BTG4: variants seen among roughly 807,000 people sequenced by gnomAD.
The protein encoded by BTG4 is BTG anti-proliferation factor 4, also known as protein BTG4.
A neutral mutation model predicts 19.3 loss-of-function variants in BTG4; 10 were observed. That is an observed-to-expected ratio of 0.52 (90% CI 0.32 to 0.88). The LOEUF is 0.88. Ranked by LOEUF, BTG4 falls within the 40% of genes least tolerant of loss-of-function variation. BTG4 has a pLI of 0.04. For synonymous variants in BTG4, 91 were observed against 95.7 expected, an observed-to-expected ratio of 0.95 and a Z score of 0.29; for missense variants, 238 against 281.9, an observed-to-expected ratio of 0.84 and a Z score of 1.11.
At chr11:111,474,361 G>C (rs1864272168) in intron 5 of BTG4, among the ~76,000 whole-genome samples, 1 of 152,106 alleles carries the variant, frequency 6.6e-6, no homozygotes. Context: ...TTCCAAGATA[G>C]AGTAACCACC....
the BTG4 span, among the ~76,000 whole-genome samples, chr11:111,431,045 T>C: frequency 1.3e-5 from 2 of 151,492 alleles, no homozygotes; most frequent in Admixed American, 1.3e-4. Context: ...TATGCCCCCA[T>C]AGTGCCTCAG....
the BTG4 span, chr11:111,453,559 G>T: frequency 4.4e-6 from 2 of 455,626 alleles, 1 homozygote; most frequent in South Asian, 3.1e-5. Context: ...AGACTCTGAC[G>T]CCCCCAGGGT....
upstream of BTG4, chr11:111,513,386 C>T: frequency 1.9e-6 from 1 of 533,670 alleles, no homozygotes. Context: ...AATGAATTGC[C>T]TGCCTGTCAC....
chr11:111,511,969 C>T (rs1040555644), intron 1 of BTG4, among the ~76,000 whole-genome samples: 1 of 152,056 alleles, frequency 6.6e-6, no homozygotes, highest in African/African-American at 2.4e-5. Flanking sequence ...CTCAAGAGGA[C>T]CACGATTTGA....
downstream of BTG4, among the ~76,000 whole-genome samples, chr11:111,463,673 A>G (rs146517932): frequency 2.6e-3 from 394 of 152,326 alleles, 3 homozygotes; most frequent in African/African-American, 8.7e-3. Context: ...TGACCCTAAA[A>G]TCTGATGGCT....
At chr11:111,430,371 C>G in the BTG4 span, among the ~76,000 whole-genome samples, 1 of 152,220 alleles carries the variant, frequency 6.6e-6, no homozygotes, top group Non-Finnish European at 1.5e-5. Context: ...TAGCCTTCCA[C>G]TGAATACACA....
intron 5 of BTG4, among the ~76,000 whole-genome samples, chr11:111,468,352 CT>C (rs1171778390): frequency 2.6e-5 from 4 of 152,212 alleles, no homozygotes; most frequent in Non-Finnish European, 5.9e-5. Context: ...CAGGCATGGT[CT>C]CATTTACGAC....
At chr11:111,490,117 C>A (rs796849682), downstream of BTG4, among the ~76,000 whole-genome samples, 298 of 135,076 alleles carry the variant, frequency 2.2e-3, no homozygotes, top group South Asian at 2.9e-3. Context: ...ACTAAAAATA[C>A]AAAAAAAAAA....
chr11:111,406,415 C>T, the BTG4 span, among the ~76,000 whole-genome samples: 1,915 of 152,348 alleles, frequency 0.013, 33 homozygotes, highest in African/African-American at 0.042. Flanking sequence ...TCTCTCTTTG[C>T]TGGCTGACCA....
intron 1 of BTG4, among the ~76,000 whole-genome samples, chr11:111,502,427 T>A (rs1043827512): frequency 1.3e-5 from 2 of 152,230 alleles, no homozygotes; most frequent in African/African-American, 4.8e-5. Context: ...ACACTTTTGA[T>A]TGCTTAATAA....
In BTG4 at chr11:111,498,611, C is replaced by T. The variant is rs1865879702; in HGVS notation, c.166G>A (p.Ala56Thr). 1 of 1,612,284 alleles carries T rather than the reference C, an allele frequency of 6.2e-7. No homozygotes were observed. The highest frequency in any genetic ancestry group is 1.3e-5 in the African/African-American group (1 of 74,848). Residue 56 changes from alanine to threonine, a missense_variant, in exon 2 of 5, where the codon GCC becomes ACC. Ala to Thr is a moderately conservative substitution (Grantham distance 58). Transcript: ENST00000692032. ...CCACATACTAGCTCTCACCTGAAGG[C>T]TTGCCCTTTAGAAGGGCAATCAGAG... Reference protein sequence around the residue: ...WHSDCPSKGQAFRCIRINNNQ... With the variant: ...WHSDCPSKGQTFRCIRINNNQ...
At chr11:111,468,553 A>G (rs1863865543) in intron 5 of BTG4, among the ~76,000 whole-genome samples, 1 of 152,258 alleles carries the variant, frequency 6.6e-6, no homozygotes, top group African/African-American at 2.4e-5. Context: ...GTCAAAGGAT[A>G]GATCTCAGAT....
the BTG4 span, chr11:111,451,032 T>C: frequency 5.5e-6 from 1 of 180,804 alleles, no homozygotes; most frequent in Non-Finnish European, 1.2e-5. Context: ...CTTGGGGATC[T>C]GCTGCCCCCA....
downstream of BTG4, among the ~76,000 whole-genome samples, chr11:111,466,429 A>C (rs746720541): frequency 4.0e-4 from 61 of 152,244 alleles, no homozygotes; most frequent in Non-Finnish European, 6.9e-4. Flanking sequence ...AGTATATTAC[A>C]TTTAATGCTC....
chr11:111,401,803 G>A, the BTG4 span, among the ~76,000 whole-genome samples: 1 of 152,082 alleles, frequency 6.6e-6, no homozygotes, highest in Non-Finnish European at 1.5e-5. Context: ...GGGGTTTTCT[G>A]CCCATCACTG....
the BTG4 span, among the ~76,000 whole-genome samples, chr11:111,394,860 T>A: frequency 2.0e-5 from 3 of 152,194 alleles, no homozygotes; most frequent in Non-Finnish European, 4.4e-5. Context: ...GGCTTAATAG[T>A]CTCAGTAGAG....
intron 5 of BTG4, among the ~76,000 whole-genome samples, chr11:111,478,272 G>A (rs1382103003): frequency 1.3e-5 from 2 of 152,144 alleles, no homozygotes; most frequent in Non-Finnish European, 2.9e-5. Flanking sequence ...GCAGTAATGA[G>A]AGACCCTTTC....
chr11:111,466,159 C>G (rs1008163569), downstream of BTG4, among the ~76,000 whole-genome samples: 1 of 152,108 alleles, frequency 6.6e-6, no homozygotes, highest in Non-Finnish European at 1.5e-5. Flanking sequence ...AGAACTGATG[C>G]TCAAAGAAGT....
At chr11:111,461,231 T>C in the BTG4 span, among the ~76,000 whole-genome samples, 2 of 152,212 alleles carry the variant, frequency 1.3e-5, no homozygotes, top group Non-Finnish European at 2.9e-5. Flanking sequence ...AAAAGGTTCT[T>C]GTTAGAAGCC....
Sources: gnomAD v4.1 joint callset for allele counts (sites outside exome capture counted in the v4.1 genomes callset) on GRCh38, gnomAD v4.1.1 for gene constraint, MANE v1.5 for transcripts, NCBI Gene and HGNC (gene_info 2026-07-23, HGNC 2026-07-21) for gene names.